TM6SF1: variants seen among roughly 807,000 people sequenced by gnomAD.
TM6SF1 encodes the protein transmembrane 6 superfamily member 1.
In TM6SF1, 43 loss-of-function variants were observed where a neutral mutation model predicts 47.1. The ratio of observed to expected loss-of-function variants is 0.91; its 90% CI spans 0.72 to 1.18. TM6SF1 has a LOEUF of 1.18. Ranked by LOEUF, TM6SF1 falls within the 50% of genes most tolerant of loss-of-function variation. TM6SF1 has a pLI of 0.00. For missense variants in TM6SF1, 390 were observed against 449.0 expected, an observed-to-expected ratio of 0.87 and a Z score of 1.19; for synonymous variants, 177 against 166.3, an observed-to-expected ratio of 1.06 and a Z score of -0.49.
chr15:83,119,756 A>C, intron 4 of TM6SF1, 75 bp downstream of exon 4: 2 of 1,597,492 alleles, frequency 1.3e-6, no homozygotes, highest in Non-Finnish European at 1.7e-6. Flanking sequence ...AACGTTATGC[A>C]TAGAGGCAAA....
At chr15:83,120,037 G>C (rs1221727544) in intron 4 of TM6SF1, 2 of 233,156 alleles carry the variant, frequency 8.6e-6, no homozygotes, top group Non-Finnish European at 1.7e-5. Flanking sequence ...CAAAGCTTCT[G>C]TCCTTCCCCA....
chr15:83,121,528 G>A (rs948931792), intron 4 of TM6SF1, among the ~76,000 whole-genome samples: 3 of 152,134 alleles, frequency 2.0e-5, no homozygotes, highest in African/African-American at 7.2e-5. Context: ...CATTATCATT[G>A]TAAGTATAAC....
chr15:83,126,720 T>C (rs749090630), intron 7 of TM6SF1, 35 bp from the exon 8 acceptor site: 46 of 1,543,656 alleles, frequency 3.0e-5, no homozygotes, highest in African/African-American at 1.9e-4. Flanking sequence ...CCAGATGTGA[T>C]TGTATTTTTA....
intron 7 of TM6SF1, among the ~76,000 whole-genome samples, chr15:83,125,024 A>G (rs1024614068): frequency 2.0e-5 from 3 of 152,136 alleles, no homozygotes; most frequent in Admixed American, 6.6e-5. Context: ...GTTTTAGGGC[A>G]TCTAAAAAAT....
intron 9 of TM6SF1, chr15:83,129,521 T>G (rs914559204): frequency 2.0e-5 from 3 of 152,218 alleles, no homozygotes; most frequent in African/African-American, 7.2e-5. Flanking sequence ...ATGAGGAGGC[T>G]GAGGCTCAGT....
intron 2 of TM6SF1, chr15:83,114,597 T>C (rs1222526217): frequency 6.6e-6 from 1 of 152,652 alleles, no homozygotes; most frequent in East Asian, 1.9e-4. Context: ...GGGGAGAATG[T>C]GAATGCTGGA....
intron 1 of TM6SF1, among the ~76,000 whole-genome samples, chr15:83,109,395 C>T (rs913010804): frequency 1.3e-5 from 2 of 152,212 alleles, no homozygotes; most frequent in African/African-American, 4.8e-5. Flanking sequence ...GCCTCAGCCA[C>T]TGGGAAGATG....
At chr15:83,123,835 T>C (rs963248398) in intron 6 of TM6SF1, among the ~76,000 whole-genome samples, 1 of 152,262 alleles carries the variant, frequency 6.6e-6, no homozygotes, top group African/African-American at 2.4e-5. Context: ...TTACTTATCA[T>C]TATTTTTAAT....
At position 83,136,907 on chromosome 15, in the gene TM6SF1, CTT is replaced by C. The variant is rs1266922321; in HGVS notation, c.*236_*237del. On this transcript the variant is annotated 3_prime_UTR_variant, in exon 10 of 10. Transcript: ENST00000322019. ...ATATTCAAAATCATTTGTGAATAAA[CTT>C]GATCATCCATCTCAATATTGTTTGA... The C allele has an allele frequency of 3.0e-6, 1 of 328,536 alleles. No individual in the cohort carries two copies. The highest frequency in any genetic ancestry group is 5.5e-6 in the Non-Finnish European group (1 of 180,386). 20.4% of individuals were successfully genotyped at this position (328,536 alleles called of 1,614,324 possible).
Position 83,124,724 on chromosome 15 carries a change from T to C in TM6SF1, c.656T>C (p.Met219Thr), listed in dbSNP as rs769419655. Reference protein sequence around the residue: ...KDLLRRPFDLMLVVCLLLATG... With the variant: ...KDLLRRPFDLTLVVCLLLATG... Reference sequence around the variant, plus strand: ...CTGCTGAGAAGACCATTTGATTTAATGTTGGTTGTGTGTCTCCTCCTGGCA... The same window carrying C: ...CTGCTGAGAAGACCATTTGATTTAACGTTGGTTGTGTGTCTCCTCCTGGCA... The change falls in exon 7 of 10, where the codon ATG becomes ACG. Residue 219 changes from methionine (M) to threonine (T), a missense_variant. Met to Thr is a moderately conservative substitution (Grantham distance 81). Coordinates refer to ENST00000322019, the MANE Select transcript of TM6SF1 (RefSeq NM_023003.5). 2.2e-5 allele frequency: 35 copies of C among 1,614,054 alleles called. No individual in the cohort carries two copies. The highest frequency in any genetic ancestry group is 1.6e-5 in the Non-Finnish European group (19 of 1,180,020).
In TM6SF1 at chr15:83,127,404, T is replaced by C. The variant is rs1262312609; in HGVS notation, c.848T>C (p.Leu283Pro). 2.5e-6 allele frequency: 4 copies of C among 1,613,964 alleles called. No individual in the cohort carries two copies. The highest frequency in any genetic ancestry group is 1.3e-5 in the African/African-American group (1 of 74,930). The part of the protein sequence containing the change: ...FYSVPYFVTA[L>P]YGLVVPGCSW... ...TCTGTTCCTTACTTTGTGACTGCAC[T>C]GTATGGCTTAGTGGTTCCTGGATGT... The change falls in exon 9 of 10, where the codon CTG (leucine) becomes CCG (proline). Residue 283 changes from leucine (L) to proline (P), a missense_variant. Physicochemically the swap from Leu to Pro is moderately conservative, Grantham distance 98. Transcript: ENST00000322019.
At chr15:83,114,905 C>CT (rs1447668476) in intron 2 of TM6SF1, 5 of 152,246 alleles carry the variant, frequency 3.3e-5, no homozygotes, top group African/African-American at 1.2e-4. Flanking sequence ...GTAAGATTCT[C>CT]TGACAGGTAT....
chr15:83,124,894 C>A, intron 7 of TM6SF1, 118 bp downstream of exon 7: 9 of 862,054 alleles, frequency 1.0e-5, no homozygotes, highest in Non-Finnish European at 1.6e-5. Flanking sequence ...ACTAACAAAC[C>A]ATTCCTCCCA....
At chr15:83,134,224 CTT>C (rs972449463) in intron 9 of TM6SF1, 5 of 144,854 alleles carry the variant, frequency 3.5e-5, no homozygotes, top group East Asian at 2.0e-4. Context: ...GGACATGAAT[CTT>C]TTTTTTTTTT....
rs1373526970 is a variant in TM6SF1, at chr15:83,136,762, G to A, written c.*90G>A. On this transcript the variant is annotated 3_prime_UTR_variant, in exon 10 of 10. Transcript: ENST00000322019. ...GTCCCATTTCACTCTCTTCTCATAC[G>A]TGAGTACTTAAGAATATGTACATTC... The A allele has an allele frequency of 1.2e-5, 13 of 1,080,994 alleles. No homozygotes were observed. Among genetic ancestry groups the A allele is most frequent in the South Asian group, 6.4e-5 (4 of 62,584 alleles). The allele number at this position is 1,080,994 out of a possible 1,614,324, so 67.0% of individuals were successfully genotyped here.
intron 1 of TM6SF1, among the ~76,000 whole-genome samples, chr15:83,112,295 A>G (rs1359431283): frequency 1.3e-5 from 2 of 152,122 alleles, no homozygotes; most frequent in Non-Finnish European, 2.9e-5. Context: ...CCATTTGACT[A>G]TACACATAAC....
At chr15:83,124,944 A>T (rs2035598183) in intron 7 of TM6SF1, among the ~76,000 whole-genome samples, 168 bp downstream of exon 7, 1 of 152,198 alleles carries the variant, frequency 6.6e-6, no homozygotes, top group South Asian at 2.1e-4. Context: ...TGCTGCTCCC[A>T]ACCCCAGCCT....
rs1454919600 is a variant in TM6SF1 at position 83,136,399 on chromosome 15, T to C, written c.922-82T>C. ...GTTTTGAGGGCACAGAAACGTAGCC[T>C]GAATGAACCATTCAGAACTCATCAT... On this transcript the variant is annotated intron_variant, in intron 9 of 9. Transcript: ENST00000322019. The C allele has an allele frequency of 5.6e-6, 7 of 1,260,300 alleles. No homozygotes were observed. In the East Asian group the frequency reaches 1.5e-4, roughly 27 times the overall value. The allele number at this position is 1,260,300 out of a possible 1,614,324, so 78.1% of individuals were successfully genotyped here. A position where few individuals can be genotyped will look rare whatever the true frequency, so the allele number is the denominator to read the frequency against.
intron 3 of TM6SF1, among the ~76,000 whole-genome samples, chr15:83,117,708 C>T (rs1567138246): frequency 1.3e-5 from 2 of 151,872 alleles, no homozygotes. Context: ...GCTCTGGGGA[C>T]CCAGCTGTGA....
Sources: allele counts gnomAD v4.1 joint callset (sites outside exome capture counted in the v4.1 genomes callset), GRCh38; gene constraint gnomAD v4.1.1; transcripts MANE v1.5; gene names NCBI Gene and HGNC (gene_info 2026-07-23, HGNC 2026-07-21).